DAB1: variants seen among roughly 807,000 people sequenced by gnomAD.
The protein encoded by DAB1 is disabled homolog 1.
DAB1 carries 15 observed loss-of-function variants against 64.6 expected under a neutral mutation model. The ratio of observed to expected loss-of-function variants is 0.23; its 90% confidence interval spans 0.16 to 0.36. The LOEUF (loss-of-function observed/expected upper bound fraction) is 0.36, where lower values mean the gene tolerates loss of function less well. Ranked by LOEUF, DAB1 falls within the 10% of genes least tolerant of loss-of-function variation. The pLI, the probability that DAB1 is intolerant of heterozygous loss-of-function variation, is 1.00. For synonymous variants in DAB1, 235 were observed against 251.9 expected (o/e 0.93, Z 0.64); for missense variants, 596 against 706.7 (o/e 0.84, Z 1.78).
At chr1:57,775,430 T>C (rs1381495291) in intron 6 of DAB1, among the ~76,000 whole-genome samples, 1 of 151,728 alleles carries the variant, frequency 6.6e-6, no homozygotes, top group East Asian at 1.9e-4. Context: ...TTAAGCACTG[T>C]TTTAGCTGCA....
At chr1:58,482,177 T>C (rs56054934) in intron 3 of DAB1, among the ~76,000 whole-genome samples, 17,627 of 152,252 alleles carry the variant, frequency 0.12, 1,217 homozygotes, top group African/African-American at 0.18. Context: ...GAGCTGCATG[T>C]GTGTGCACAT....
chr1:57,030,147 G>A (rs1314034522), intron 9 of DAB1, among the ~76,000 whole-genome samples: 2 of 152,160 alleles, frequency 1.3e-5, no homozygotes, highest in Non-Finnish European at 2.9e-5. Flanking sequence ...TCTCATGATA[G>A]TGAATAAGTC....
chr1:57,909,400 A>C (rs1644606810), intron 5 of DAB1, among the ~76,000 whole-genome samples: 1 of 152,214 alleles, frequency 6.6e-6, no homozygotes, highest in African/African-American at 2.4e-5. Context: ...TTCTAAAATA[A>C]GCTATAATTT....
intron 3 of DAB1, among the ~76,000 whole-genome samples, chr1:58,455,154 G>A (rs1309859361): frequency 6.6e-6 from 1 of 152,250 alleles, no homozygotes; most frequent in Non-Finnish European, 1.5e-5. Flanking sequence ...ACACCTGCAG[G>A]GGATCAGGAG....
chr1:58,139,509 C>G (rs1041129255), intron 5 of DAB1, among the ~76,000 whole-genome samples: 10 of 152,102 alleles, frequency 6.6e-5, no homozygotes, highest in Non-Finnish European at 1.5e-4. Flanking sequence ...ACCATCAGAT[C>G]TTGTGAGAAC....
chr1:57,651,847 C>G (rs1646260074), intron 6 of DAB1, among the ~76,000 whole-genome samples: 1 of 152,112 alleles, frequency 6.6e-6, no homozygotes. Context: ...GTTAGTGAAA[C>G]CATCTTTGCA....
Position 57,483,598 on chromosome 1 carries a change from T to G in DAB1, n.625+165994A>C, listed in dbSNP as rs183094387. On this transcript the variant is annotated intron_variant and non_coding_transcript_variant, in intron 7 of 20. Coordinates refer to the DAB1 transcript ENST00000485760. ...AATACATTTATTAATTCAACTTTTT[T>G]TTGTTGTTGTTTTTCTGTTTTTGTT... Among the ~76,000 whole-genome samples the G allele has an allele frequency of 3.6e-3, 552 of 152,274 alleles. 3 individuals are homozygous for G. The highest frequency in any genetic ancestry group is 6.5e-3 in the African/African-American group (272 of 41,558).
At chr1:58,197,111 G>A (rs1030640740) in intron 4 of DAB1, among the ~76,000 whole-genome samples, 1 of 152,176 alleles carries the variant, frequency 6.6e-6, no homozygotes, top group Non-Finnish European at 1.5e-5. Flanking sequence ...GTGGAGTCAT[G>A]CAATAGAAGG....
rs1276290598 is a variant in DAB1 at position 58,380,458 on chromosome 1, C to CAGTT, written n.258-37059_258-37056dup. 4.6e-5 allele frequency among the ~76,000 whole-genome samples: 7 copies of CAGTT among 152,328 alleles called. No individual in the cohort carries two copies. The East Asian group carries it at 9.6e-4, about 21-fold the overall frequency. ...TCTTCATGAATTACCCAGTCTCAGG[C>CAGTT]AGTTCTTCATAGCAGTGTGAAAATG... On this transcript the variant is annotated intron_variant and non_coding_transcript_variant, in intron 3 of 20. Transcript: ENST00000485760.
chr1:58,109,670 G>A (rs1038898971), intron 5 of DAB1, among the ~76,000 whole-genome samples: 20 of 152,028 alleles, frequency 1.3e-4, no homozygotes, highest in African/African-American at 4.3e-4. Context: ...TAAGGCTATG[G>A]ATGGGCTGAT....
chr1:57,522,020 G>T (rs1479653950), intron 7 of DAB1, among the ~76,000 whole-genome samples: 1 of 152,108 alleles, frequency 6.6e-6, no homozygotes, highest in East Asian at 1.9e-4. Context: ...TGAGGCAGGA[G>T]AATCGCTTGA....
At chr1:57,909,897 G>A (rs886669774) in intron 5 of DAB1, among the ~76,000 whole-genome samples, 2 of 152,208 alleles carry the variant, frequency 1.3e-5, no homozygotes, top group South Asian at 2.1e-4. Context: ...ATGTTAAGCC[G>A]GACAGTGCTG....
intron 4 of DAB1, among the ~76,000 whole-genome samples, chr1:58,186,333 C>T (rs949796917): frequency 6.6e-6 from 1 of 152,168 alleles, no homozygotes; most frequent in African/African-American, 2.4e-5. Flanking sequence ...GGTTCTCTGC[C>T]TCTTTCTGAG....
chr1:58,174,622 G>C (rs1280903657), intron 4 of DAB1, among the ~76,000 whole-genome samples: 2 of 152,204 alleles, frequency 1.3e-5, no homozygotes, highest in African/African-American at 4.8e-5. Context: ...AGCCAGCTGG[G>C]CTTCTGGGTC....
chr1:57,039,951 C>A (rs916320955), intron 9 of DAB1, among the ~76,000 whole-genome samples: 3 of 152,132 alleles, frequency 2.0e-5, no homozygotes, highest in African/African-American at 7.2e-5. Context: ...ATTGGTCATC[C>A]ATTCACTTAC....
intron 6 of DAB1, among the ~76,000 whole-genome samples, chr1:57,763,038 T>G (rs1410829706): frequency 3.9e-5 from 6 of 152,180 alleles, no homozygotes; most frequent in Non-Finnish European, 8.8e-5. Context: ...ATGGTGTAAG[T>G]AGGCATTGTC....
Position 58,082,958 on chromosome 1 carries a change from G to A in DAB1, n.387+67553C>T, listed in dbSNP as rs1212735286. ...ATTTACTCTTCTCTGGCAAAATCCA[G>A]TCAAGTGGCTTGGAGGAGAAAATGA... On this transcript the variant is annotated intron_variant and non_coding_transcript_variant, in intron 5 of 20. Transcript: ENST00000485760. 3.3e-5 allele frequency among the ~76,000 whole-genome samples: 5 copies of A among 152,312 alleles called. No individual in the cohort carries two copies. The East Asian group carries it at 9.7e-4, about 29-fold the overall frequency.
chr1:58,086,125 G>A (rs557014431), intron 5 of DAB1, among the ~76,000 whole-genome samples: 32 of 150,872 alleles, frequency 2.1e-4, no homozygotes, highest in African/African-American at 7.1e-4. Flanking sequence ...CACTACGCCC[G>A]GCTAATTTTT....
At chr1:58,370,481 C>T (rs1159133323) in intron 3 of DAB1, among the ~76,000 whole-genome samples, 1 of 151,656 alleles carries the variant, frequency 6.6e-6, no homozygotes, top group Non-Finnish European at 1.5e-5. Context: ...TCATGGCTGC[C>T]TCTGAAGAGG....
Sources: allele counts gnomAD v4.1 joint callset (sites outside exome capture counted in the v4.1 genomes callset), GRCh38; gene constraint gnomAD v4.1.1; transcripts MANE v1.5; gene names NCBI Gene and HGNC (gene_info 2026-07-23, HGNC 2026-07-21).